ANKRD6: variants seen among roughly 807,000 people sequenced by gnomAD.
The protein encoded by ANKRD6 is ankyrin repeat domain-containing protein 6.
ANKRD6 carries 56 observed loss-of-function variants against 82.3 expected under a neutral mutation model. The ratio of observed to expected loss-of-function variants is 0.68; its 90% CI spans 0.55 to 0.85. The LOEUF is 0.85. ANKRD6 is among the 40% of genes least tolerant of loss of function. The pLI is 0.00. For synonymous variants in ANKRD6, 347 were observed against 352.1 expected (o/e 0.99, Z 0.16); for missense variants, 852 against 907.6 (o/e 0.94, Z 0.79).
chr6:89,471,417 C>G (rs1775452291), intron 1 of ANKRD6, among the ~76,000 whole-genome samples: 1 of 147,992 alleles, frequency 6.8e-6, no homozygotes, highest in African/African-American at 2.5e-5. Context: ...GCTGGAGTTA[C>G]TAGCACCTGG....
chr6:89,522,534 A>G (rs986636441), intron 1 of ANKRD6, among the ~76,000 whole-genome samples: 5 of 152,198 alleles, frequency 3.3e-5, no homozygotes, highest in Non-Finnish European at 7.4e-5. Flanking sequence ...TTGACAGGCC[A>G]AAAAAGAAAC....
chr6:89,572,786 T>C (rs2128093513), intron 2 of ANKRD6, among the ~76,000 whole-genome samples: 1 of 152,376 alleles, frequency 6.6e-6, no homozygotes, highest in Non-Finnish European at 1.5e-5. Context: ...CCTTTTCCCA[T>C]TGAGCGGTCT....
intron 1 of ANKRD6, among the ~76,000 whole-genome samples, chr6:89,475,820 A>C (rs1486034610): frequency 6.6e-6 from 1 of 152,204 alleles, no homozygotes; most frequent in Non-Finnish European, 1.5e-5. Flanking sequence ...GGTTGTACCC[A>C]TGTGCACATC....
At chr6:89,569,344 T>C (rs1283214947) in intron 2 of ANKRD6, among the ~76,000 whole-genome samples, 2 of 152,222 alleles carry the variant, frequency 1.3e-5, no homozygotes, top group Admixed American at 6.5e-5. Flanking sequence ...TAGAATCATA[T>C]GGTATGTGGT....
At chr6:89,490,943 G>A (rs549106330) in intron 1 of ANKRD6, among the ~76,000 whole-genome samples, 3 of 152,258 alleles carry the variant, frequency 2.0e-5, no homozygotes, top group South Asian at 4.1e-4. Context: ...ATCCTGGATC[G>A]TTTGGGTGAG....
At chr6:89,590,945 C>T (rs955630289) in intron 2 of ANKRD6, among the ~76,000 whole-genome samples, 8 of 152,138 alleles carry the variant, frequency 5.3e-5, no homozygotes, top group Non-Finnish European at 1.2e-4. Context: ...TGGACCCAAG[C>T]GTTCAATAAA....
chr6:89,503,494 C>T (rs1393484445), intron 1 of ANKRD6, among the ~76,000 whole-genome samples: 1 of 152,108 alleles, frequency 6.6e-6, no homozygotes, highest in East Asian at 1.9e-4. Context: ...GAGTTTGGCC[C>T]CTTGTACTGC....
At chr6:89,484,138 C>T (rs961295027) in intron 1 of ANKRD6, among the ~76,000 whole-genome samples, 16 of 152,166 alleles carry the variant, frequency 1.1e-4, no homozygotes, top group African/African-American at 3.9e-4. Context: ...AAACTCCTGA[C>T]CTCAGGTGAT....
intron 1 of ANKRD6, among the ~76,000 whole-genome samples, chr6:89,442,228 T>C (rs1434626618): frequency 6.6e-6 from 1 of 151,890 alleles, no homozygotes; most frequent in African/African-American, 2.4e-5. Context: ...ACTCCTGGGC[T>C]CAAGCAATCC....
intron 1 of ANKRD6, among the ~76,000 whole-genome samples, chr6:89,535,476 A>C (rs951248574): frequency 6.6e-6 from 1 of 152,226 alleles, no homozygotes; most frequent in Non-Finnish European, 1.5e-5. Flanking sequence ...ATGCAAAAAT[A>C]CTGTGCTTTG....
At chr6:89,574,417 C>T (rs1328016) in intron 2 of ANKRD6, among the ~76,000 whole-genome samples, 50,217 of 152,036 alleles carry the variant, frequency 0.33, 8,575 homozygotes, top group South Asian at 0.59. Flanking sequence ...GTCTCTATTT[C>T]CTCACAAACC....
chr6:89,557,359 C>T (rs1786742314), intron 1 of ANKRD6, among the ~76,000 whole-genome samples: 1 of 151,834 alleles, frequency 6.6e-6, no homozygotes, highest in African/African-American at 2.4e-5. Context: ...ACCTCAAGGA[C>T]CTGCAACATT....
At chr6:89,447,866 C>T (rs1219551024) in intron 1 of ANKRD6, among the ~76,000 whole-genome samples, 22 of 39,342 alleles carry the variant, frequency 5.6e-4, no homozygotes, top group Admixed American at 1.2e-3. Context: ...TTTTTTTTTT[C>T]AGTAGAGATG....
intron 1 of ANKRD6, among the ~76,000 whole-genome samples, chr6:89,463,661 G>A (rs1360754134): frequency 1.3e-5 from 2 of 152,046 alleles, no homozygotes; most frequent in African/African-American, 4.8e-5. Flanking sequence ...CAATTCTCCT[G>A]CCTCAGCCTC....
chr6:89,455,455 A>G (rs1298570245), intron 1 of ANKRD6, among the ~76,000 whole-genome samples: 1 of 152,070 alleles, frequency 6.6e-6, no homozygotes, highest in Non-Finnish European at 1.5e-5. Context: ...CTCACTCACT[A>G]TTATGAGGAC....
intron 1 of ANKRD6, among the ~76,000 whole-genome samples, chr6:89,506,446 C>T (rs1420418910): frequency 6.6e-6 from 1 of 152,172 alleles, no homozygotes; most frequent in Non-Finnish European, 1.5e-5. Flanking sequence ...TCTCGAGTAG[C>T]TGGGATTACA....
chr6:89,481,680 GCTGGTTGTGCTGCTTGCAGTAGTGGTA>G, intron 1 of ANKRD6, among the ~76,000 whole-genome samples: 1 of 146,772 alleles, frequency 6.8e-6, no homozygotes. Context: ...CAGGAATACT[GCTGGTTGTGCTGCTTGCAGTAGTGGTA>G]CTGGTGGTAC....
intron 1 of ANKRD6, among the ~76,000 whole-genome samples, 172 bp from the exon 2 acceptor site, chr6:89,566,662 G>A (rs891943240): frequency 6.6e-6 from 1 of 152,344 alleles, no homozygotes; most frequent in South Asian, 2.1e-4. Context: ...CCACTTGGAA[G>A]TTCTGTTCAG....
chr6:89,465,521 A>G (rs1240102952), intron 1 of ANKRD6, among the ~76,000 whole-genome samples: 1 of 151,990 alleles, frequency 6.6e-6, no homozygotes, highest in Admixed American at 6.6e-5. Flanking sequence ...TGACTGCATG[A>G]CCTTGGGCAA....
Sources: gnomAD v4.1 joint callset for allele counts (sites outside exome capture counted in the v4.1 genomes callset) on GRCh38, gnomAD v4.1.1 for gene constraint, MANE v1.5 for transcripts, NCBI Gene and HGNC (gene_info 2026-07-23, HGNC 2026-07-21) for gene names.